Variants in DACH2 observed in about 807,000 individuals in gnomAD.
DACH2 encodes the protein dachshund family transcription factor 2.
A neutral mutation model predicts 35.8 loss-of-function variants in DACH2; 17 were observed. The observed-to-expected ratio is 0.48, with a 90% CI of 0.33 to 0.71. The LOEUF (loss-of-function observed/expected upper bound fraction) is 0.71. Ranked by LOEUF, DACH2 falls within the 30% of genes least tolerant of loss-of-function variation. DACH2 has a pLI of 0.02. For missense variants in DACH2, 469 were observed against 472.7 expected (o/e 0.99, Z 0.07); for synonymous variants, 195 against 177.3 (o/e 1.10, Z -0.79).
In DACH2 at chrX:86,691,611, A is replaced by G. The variant is rs12688312; in HGVS notation, c.773-3410A>G. Among the ~76,000 whole-genome samples, 39 of 111,714 alleles carry G rather than the reference A, an allele frequency of 3.5e-4. No homozygotes were observed. In the East Asian group the frequency reaches 0.011, roughly 32 times the overall value. ...AAACTTGTGCATAAAAGAGTTACCA[A>G]GCATGAACTCGCACAGAGGAAAGAG... On this transcript the variant is annotated intron_variant, in intron 4 of 11. Transcript: ENST00000373125.
intron 1 of DACH2, among the ~76,000 whole-genome samples, chrX:86,249,590 T>C (rs112590643): frequency 5.4e-5 from 6 of 111,743 alleles, no homozygotes; most frequent in South Asian, 3.7e-4. Flanking sequence ...GGAACACTTA[T>C]ACACTGCCGG....
chrX:86,247,961 T>G (rs745411517), intron 1 of DACH2, among the ~76,000 whole-genome samples: 1 of 111,207 alleles, frequency 9.0e-6, no homozygotes, highest in East Asian at 2.8e-4. Context: ...TCTCAATAGA[T>G]GCAGAAAAGG....
chrX:86,574,882 TTA>T (rs2039417100), intron 3 of DACH2, among the ~76,000 whole-genome samples: 1 of 111,746 alleles, frequency 8.9e-6, no homozygotes, highest in Admixed American at 9.6e-5. Flanking sequence ...TATTCTCTCT[TTA>T]TATAAAATGT....
At chrX:86,314,292 G>A (rs918048308) in intron 1 of DACH2, among the ~76,000 whole-genome samples, 1 of 111,240 alleles carries the variant, frequency 9.0e-6, no homozygotes, top group Admixed American at 9.6e-5. Context: ...CTAGGCGAGA[G>A]GATCATTTGA....
chrX:86,180,645 C>T (rs1206384849), intron 1 of DACH2, among the ~76,000 whole-genome samples: 1 of 111,272 alleles, frequency 9.0e-6, no homozygotes, highest in Admixed American at 9.6e-5. Flanking sequence ...CCACCAGCTG[C>T]TATTCTCTTG....
At chrX:86,274,242 TTG>T (rs1272394757) in intron 1 of DACH2, among the ~76,000 whole-genome samples, 1 of 110,324 alleles carries the variant, frequency 9.1e-6, no homozygotes, top group Non-Finnish European at 1.9e-5. Flanking sequence ...GAACTATGTA[TTG>T]TGTGTTTTGA....
chrX:86,315,778 G>A (rs1360801267), intron 1 of DACH2, among the ~76,000 whole-genome samples: 1 of 100,245 alleles, frequency 1.0e-5, no homozygotes, highest in Non-Finnish European at 2.0e-5. Flanking sequence ...CAAGGAAATT[G>A]AGGGTCGTGG....
chrX:86,400,659 G>T (rs999346665), intron 2 of DACH2, among the ~76,000 whole-genome samples: 3 of 111,933 alleles, frequency 2.7e-5, no homozygotes, highest in Non-Finnish European at 5.6e-5. Context: ...GACCCTGTTT[G>T]CCTGGGTATC....
intron 3 of DACH2, among the ~76,000 whole-genome samples, chrX:86,641,183 C>T (rs1359258751): frequency 9.0e-6 from 1 of 111,679 alleles, no homozygotes; most frequent in Non-Finnish European, 1.9e-5. Context: ...TGGCAAAACC[C>T]AATCCCAGGA....
intron 2 of DACH2, among the ~76,000 whole-genome samples, chrX:86,422,867 A>G (rs2036828394): frequency 9.0e-6 from 1 of 110,666 alleles, no homozygotes; most frequent in Admixed American, 9.7e-5. Context: ...CTCCATCTCC[A>G]TGAGTTCAAT....
chrX:86,429,403 T>C (rs965384316), intron 2 of DACH2, among the ~76,000 whole-genome samples: 61 of 111,350 alleles, frequency 5.5e-4, no homozygotes, highest in African/African-American at 1.9e-3. Flanking sequence ...AGAAAAGCAC[T>C]TGGGGCATTG....
At chrX:86,211,704 G>T (rs1238919281) in intron 1 of DACH2, among the ~76,000 whole-genome samples, 1 of 111,566 alleles carries the variant, frequency 9.0e-6, no homozygotes, top group Non-Finnish European at 1.9e-5. Context: ...CCTTTACCTT[G>T]GCAAAATATG....
intron 7 of DACH2, among the ~76,000 whole-genome samples, chrX:86,761,234 C>T (rs935219640): frequency 9.1e-6 from 1 of 110,297 alleles, no homozygotes; most frequent in Non-Finnish European, 1.9e-5. Context: ...GTGATGTTCC[C>T]CTCCCTGTGT....
chrX:86,314,070 C>A (rs997901451), intron 1 of DACH2, among the ~76,000 whole-genome samples: 1 of 110,509 alleles, frequency 9.0e-6, no homozygotes, highest in African/African-American at 3.3e-5. Flanking sequence ...CACTGGTCTA[C>A]TGCTTGGCTA....
chrX:86,795,917 T>C (rs775780697), intron 7 of DACH2, among the ~76,000 whole-genome samples: 1 of 88,206 alleles, frequency 1.1e-5, no homozygotes, highest in African/African-American at 3.7e-5. Flanking sequence ...ACAGACCTTT[T>C]CAGTGAGTGT....
intron 5 of DACH2, among the ~76,000 whole-genome samples, chrX:86,698,519 GTGTTTTTTTTT>G (rs1266293463): frequency 3.1e-5 from 1 of 32,082 alleles, no homozygotes; most frequent in Non-Finnish European, 5.4e-5. Flanking sequence ...TGTTAGTTTT[GTGTTTTTTTTT>G]TTTTTTTTTT....
intron 2 of DACH2, among the ~76,000 whole-genome samples, chrX:86,451,989 G>A (rs1257693772): frequency 9.0e-6 from 1 of 111,514 alleles, no homozygotes; most frequent in African/African-American, 3.3e-5. Context: ...TTATTATTTT[G>A]AGGTATGTTC....
intron 1 of DACH2, among the ~76,000 whole-genome samples, chrX:86,202,103 T>C (rs1240442581): frequency 8.9e-6 from 1 of 111,815 alleles, no homozygotes; most frequent in East Asian, 2.8e-4. Flanking sequence ...AACCACATTT[T>C]ATTGTCTTAT....
intron 3 of DACH2, among the ~76,000 whole-genome samples, chrX:86,633,897 G>A (rs1486567063): frequency 8.9e-6 from 1 of 112,023 alleles, no homozygotes; most frequent in African/African-American, 3.2e-5. Flanking sequence ...AATAGAAGCA[G>A]AAAAACGCAT....
Sources: gnomAD v4.1 joint callset for allele counts (sites outside exome capture counted in the v4.1 genomes callset) on GRCh38, gnomAD v4.1.1 for gene constraint, MANE v1.5 for transcripts, NCBI Gene and HGNC (gene_info 2026-07-23, HGNC 2026-07-21) for gene names.